The following VTI1A variants were observed in gnomAD, a reference collection of about 807,000 sequenced individuals.
VTI1A encodes the protein vesicle transport through interaction with t-SNAREs 1A.
A neutral mutation model predicts 34.9 loss-of-function variants in VTI1A; 22 were observed. The observed-to-expected ratio is 0.63, with a 90% confidence interval of 0.45 to 0.90. VTI1A has a LOEUF of 0.90. VTI1A is among the 40% of genes least tolerant of loss of function. The probability of loss-of-function intolerance (pLI) is 0.00; values close to 1 mark genes in which losing one functional copy is unlikely to be tolerated. For synonymous variants in VTI1A, 87 were observed against 97.3 expected (o/e 0.89, Z 0.62); for missense variants, 268 against 275.6 (o/e 0.97, Z 0.20).
chr10:112,658,100 T>C (rs1847302350), intron 5 of VTI1A, among the ~76,000 whole-genome samples: 1 of 152,112 alleles, frequency 6.6e-6, no homozygotes, highest in Admixed American at 6.5e-5. Flanking sequence ...TTATTTATTT[T>C]TCCCAGAGAC....
At chr10:112,654,790 T>TTA (rs575051000) in intron 5 of VTI1A, among the ~76,000 whole-genome samples, 143 of 152,298 alleles carry the variant, frequency 9.4e-4, no homozygotes, top group Admixed American at 3.5e-3. Context: ...CCCATTCTTT[T>TTA]TATACTTTTC....
intron 5 of VTI1A, among the ~76,000 whole-genome samples, chr10:112,569,018 G>T (rs1852013032): frequency 6.6e-6 from 1 of 152,062 alleles, no homozygotes; most frequent in African/African-American, 2.4e-5. Flanking sequence ...ATCCGGGTGT[G>T]GTGGTTTGCA....
intron 7 of VTI1A, among the ~76,000 whole-genome samples, chr10:112,730,792 G>GA (rs1429461710): frequency 6.6e-6 from 1 of 151,482 alleles, no homozygotes; most frequent in African/African-American, 2.4e-5. Flanking sequence ...CCTCAGCTTG[G>GA]AAAAAAAATT....
At chr10:112,466,294 A>G (rs1371820336) in intron 3 of VTI1A, among the ~76,000 whole-genome samples, 2 of 152,202 alleles carry the variant, frequency 1.3e-5, no homozygotes, top group African/African-American at 4.8e-5. Flanking sequence ...TCCCTCCTAG[A>G]GTCTGAAAAT....
intron 3 of VTI1A, among the ~76,000 whole-genome samples, chr10:112,489,640 A>G (rs972229268): frequency 1.3e-5 from 2 of 152,186 alleles, no homozygotes; most frequent in African/African-American, 4.8e-5. Context: ...TCAGAGTAAA[A>G]CTCAGTTCCC....
chr10:112,736,109 G>GTATATATATATATATA (rs1181090787), intron 7 of VTI1A, among the ~76,000 whole-genome samples: 1,723 of 116,196 alleles, frequency 0.015, 33 homozygotes, highest in Middle Eastern at 0.021. Flanking sequence ...ATATGTGTGT[G>GTATATATATATATATA]TGTATATATA....
intron 7 of VTI1A, among the ~76,000 whole-genome samples, chr10:112,765,676 C>T (rs1346644132): frequency 3.9e-5 from 6 of 152,176 alleles, no homozygotes; most frequent in Non-Finnish European, 7.3e-5. Context: ...ATCAAATAAT[C>T]GCACAAATTT....
chr10:112,759,032 G>A (rs1165336251), intron 7 of VTI1A, among the ~76,000 whole-genome samples: 1 of 152,168 alleles, frequency 6.6e-6, no homozygotes, highest in Non-Finnish European at 1.5e-5. Context: ...CCTCAGAGAT[G>A]AGTCTCCTGC....
chr10:112,447,592 C>T, intron 1 of VTI1A, 125 bp downstream of exon 1: 2 of 1,109,302 alleles, frequency 1.8e-6, no homozygotes, highest in South Asian at 2.8e-5. Context: ...CGGCTGTTCC[C>T]AGGAGGGATA....
intron 4 of VTI1A, chr10:112,527,410 A>G (rs769919724): frequency 9.4e-6 from 3 of 319,112 alleles, no homozygotes; most frequent in Non-Finnish European, 1.1e-5. Flanking sequence ...TTTCTTTATT[A>G]TTTAGTACTT....
At position 112,817,504 on chromosome 10, in the gene VTI1A, G is replaced by A. The variant is rs1395070374; in HGVS notation, c.*2121G>A. 4.4e-6 allele frequency: 1 copy of A among 229,758 alleles called. No individual in the cohort carries two copies. Among genetic ancestry groups the A allele is most frequent in the African/African-American group, 2.2e-5 (1 of 45,148 alleles). 14.2% of individuals were successfully genotyped at this position (229,758 alleles called of 1,614,324 possible). On this transcript the variant is annotated 3_prime_UTR_variant, in exon 8 of 8. Transcript: ENST00000393077. ...GTGATTTTACCCCAATTCAACCTTG[G>A]GAGTGGGAAGAATATGAACAGATAA... is the stretch of plus-strand genomic sequence containing the variant.
chr10:112,483,575 A>C (rs1024424578), intron 3 of VTI1A, among the ~76,000 whole-genome samples: 1 of 152,118 alleles, frequency 6.6e-6, no homozygotes, highest in African/African-American at 2.4e-5. Flanking sequence ...GGGCCTGAAT[A>C]ATTCTTGTGA....
chr10:112,465,715 A>G (rs1255198298), intron 3 of VTI1A, among the ~76,000 whole-genome samples: 6 of 152,118 alleles, frequency 3.9e-5, no homozygotes, highest in Admixed American at 1.3e-4. Context: ...GGGGAGGGAG[A>G]AATGGAGAGT....
intron 5 of VTI1A, among the ~76,000 whole-genome samples, chr10:112,571,329 G>A (rs868759146): frequency 2.6e-5 from 4 of 152,248 alleles, no homozygotes; most frequent in African/African-American, 4.8e-5. Flanking sequence ...AAGGAAACTC[G>A]TTCCTCTATA....
intron 5 of VTI1A, among the ~76,000 whole-genome samples, chr10:112,614,244 C>T (rs1436440829): frequency 2.6e-5 from 4 of 152,102 alleles, no homozygotes; most frequent in Non-Finnish European, 5.9e-5. Flanking sequence ...TGTGAGGGTA[C>T]AAGAGCATCA....
rs552433722 is a variant in VTI1A, at chr10:112,705,925, T to A, written c.560+36927T>A. On this transcript the variant is annotated intron_variant, in intron 7 of 7. Transcript: ENST00000393077. The stretch of plus-strand genomic sequence containing the variant: ...CTGTTGGGCATGTCTACGATTGTCA[T>A]TTGAAAAAAAAAATTCTTTTGTCGT... 5.0e-5 allele frequency among the ~76,000 whole-genome samples: 7 copies of A among 139,072 alleles called. No homozygotes were observed. In the South Asian group the frequency reaches 1.5e-3, roughly 30 times the overall value. 91.2% of individuals were successfully genotyped at this position (139,072 alleles called of 152,430 possible).
intron 5 of VTI1A, among the ~76,000 whole-genome samples, chr10:112,590,540 C>T (rs1844349909): frequency 6.6e-6 from 1 of 151,612 alleles, no homozygotes; most frequent in Non-Finnish European, 1.5e-5. Flanking sequence ...ATTTTCCAGA[C>T]ATGGTGGCAT....
At chr10:112,553,997 C>A (rs1851459933) in intron 5 of VTI1A, among the ~76,000 whole-genome samples, 1 of 152,172 alleles carries the variant, frequency 6.6e-6, no homozygotes, top group African/African-American at 2.4e-5. Flanking sequence ...AGATGACTTA[C>A]AGGCCAGGTC....
chr10:112,688,693 T>TTGTTTGTC (rs1848515151), intron 7 of VTI1A, among the ~76,000 whole-genome samples: 1 of 151,306 alleles, frequency 6.6e-6, no homozygotes, highest in African/African-American at 2.4e-5. Context: ...AGCTTATTTT[T>TTGTTTGTC]TGTTTGTTTG....
Sources: gnomAD v4.1 joint callset for allele counts (sites outside exome capture counted in the v4.1 genomes callset) on GRCh38, gnomAD v4.1.1 for gene constraint, MANE v1.5 for transcripts, NCBI Gene and HGNC (gene_info 2026-07-23, HGNC 2026-07-21) for gene names.